HOXC6: variants seen among roughly 807,000 people sequenced by gnomAD.
The protein encoded by HOXC6 is homeobox C6.
A neutral mutation model predicts 24.0 loss-of-function variants in HOXC6; 10 were observed. The ratio of observed to expected loss-of-function variants is 0.42; its 90% CI spans 0.26 to 0.71. HOXC6 has a LOEUF of 0.71. Ranked by LOEUF, HOXC6 falls within the 30% of genes least tolerant of loss-of-function variation. The probability of loss-of-function intolerance (pLI) is 0.28; values close to 1 mark genes in which losing one functional copy is unlikely to be tolerated. For synonymous variants in HOXC6, 123 were observed against 128.1 expected, an observed-to-expected ratio of 0.96 and a Z score of 0.27; for missense variants, 258 against 303.4, an observed-to-expected ratio of 0.85 and a Z score of 1.11.
upstream of HOXC6, chr12:54,028,381 G>T: frequency 2.3e-6 from 2 of 874,634 alleles, no homozygotes; most frequent in Non-Finnish European, 3.4e-6. Context: ...GCTTGCGATT[G>T]GCTGGGAGGG....
chr12:54,023,470 T>C (rs1439464910), upstream of HOXC6, among the ~76,000 whole-genome samples: 1 of 152,176 alleles, frequency 6.6e-6, no homozygotes, highest in Non-Finnish European at 1.5e-5. Context: ...TATACCTTTC[T>C]TCTCCGTTTA....
At chr12:54,026,293 C>T (rs1346094450), upstream of HOXC6, among the ~76,000 whole-genome samples, 1 of 152,170 alleles carries the variant, frequency 6.6e-6, no homozygotes, top group Non-Finnish European at 1.5e-5. Context: ...GTCTCTCCCC[C>T]ACCTCTTGCC....
chr12:54,022,696 G>A (rs1940505149), intron 1 of HOXC6: 1 of 151,976 alleles, frequency 6.6e-6, no homozygotes, highest in East Asian at 1.9e-4. Flanking sequence ...GAGGGGGAAA[G>A]GAAAAAACAT....
Position 54,028,941 on chromosome 12 carries a change from G to A in HOXC6, c.400+20G>A. 1.3e-6 allele frequency: 2 copies of A among 1,585,840 alleles called. No individual in the cohort carries two copies. Among genetic ancestry groups the A allele is most frequent in the Non-Finnish European group, 1.7e-6 (2 of 1,171,128 alleles). ...ACAGTGGTGAGTTTTACAGCTCCGA[G>A]ATATAAATTAAATAAACTGAACTGG... On this transcript the variant is annotated intron_variant, in intron 1 of 1. Coordinates refer to ENST00000243108, the MANE Select transcript of HOXC6 (RefSeq NM_004503.4).
intron 1 of HOXC6, among the ~76,000 whole-genome samples, chr12:54,019,511 T>C (rs1217950095): frequency 6.6e-6 from 1 of 152,176 alleles, no homozygotes; most frequent in African/African-American, 2.4e-5. Context: ...GTGAGGCCTC[T>C]ATTTCTCTCT....
chr12:54,029,660 G>C lies in HOXC6; in HGVS notation c.406G>C (p.Gly136Arg). 6.2e-7 allele frequency: 1 copy of C among 1,611,188 alleles called. No homozygotes were observed. The highest frequency in any genetic ancestry group is 8.5e-7 in the Non-Finnish European group (1 of 1,177,926). ...TTTTGTGCCCGGATCTTTAGGGGTC[G>C]GCTACGGAGCGGACCGGAGGCGCGG... ...MQRMNSHSGV[G>R]YGADRRRGRQ... Residue 136 changes from glycine to arginine, a missense_variant, in exon 2 of 2, where the codon GGC becomes CGC. By Grantham distance (125) the Gly-to-Arg change is moderately radical. Transcript: ENST00000243108.
At position 54,028,543 on chromosome 12, in the gene HOXC6, C is replaced by A. The variant is rs1368012211; in HGVS notation, c.22C>A (p.Pro8Thr). 1.5e-5 allele frequency: 25 copies of A among 1,613,948 alleles called. No homozygotes were observed. Among genetic ancestry groups the A allele is most frequent in the Non-Finnish European group, 1.9e-5 (23 of 1,180,010 alleles). MNSYFTNPSLSCHLAGGQ... is the reference protein window; with the variant it reads MNSYFTNTSLSCHLAGGQ... Reference sequence around the variant, plus strand: ...AGGGATGAATTCCTACTTCACTAACCCTTCCTTATCCTGCCACCTCGCCGG... The same window carrying A: ...AGGGATGAATTCCTACTTCACTAACACTTCCTTATCCTGCCACCTCGCCGG... The change falls in exon 1 of 2, where the codon CCT becomes ACT. Residue 8 changes from proline (P) to threonine (T), a missense_variant. Coordinates refer to ENST00000243108, the MANE Select transcript of HOXC6 (RefSeq NM_004503.4).
exon 1 of HOXC6, chr12:54,017,184 C>T (rs1946172519): frequency 6.6e-6 from 1 of 152,222 alleles, no homozygotes; most frequent in South Asian, 2.1e-4. Flanking sequence ...GATGCCTCCG[C>T]CCCTCCTCTC....
chr12:54,029,980 A>G lies in HOXC6; in HGVS notation c.*18A>G, dbSNP rs1257429842. 6.6e-7 allele frequency: 1 copy of G among 1,512,100 alleles called. No homozygotes were observed. The highest frequency in any genetic ancestry group is 2.3e-5 in the East Asian group (1 of 43,024). 93.7% of individuals were successfully genotyped at this position (1,512,100 alleles called of 1,614,324 possible). On this transcript the variant is annotated 3_prime_UTR_variant, in exon 2 of 2. Coordinates refer to ENST00000243108, the MANE Select transcript of HOXC6 (RefSeq NM_004503.4). Reference sequence around the variant, plus strand: ...AAGAGTGACCAGGACTGTCCCTGCCACCCCTCTCTCCCTTTCTCCCTCGCT... The same window carrying G: ...AAGAGTGACCAGGACTGTCCCTGCCGCCCCTCTCTCCCTTTCTCCCTCGCT...
At chr12:54,025,250 T>A (rs1031539569), upstream of HOXC6, among the ~76,000 whole-genome samples, 3 of 152,214 alleles carry the variant, frequency 2.0e-5, no homozygotes, top group African/African-American at 7.2e-5. Flanking sequence ...CTGATGAGTT[T>A]CCATAATTGT....
chr12:54,024,243 G>A (rs559113517), upstream of HOXC6, among the ~76,000 whole-genome samples: 15 of 152,264 alleles, frequency 9.9e-5, no homozygotes, highest in African/African-American at 3.6e-4. Context: ...ACTTGGGGGT[G>A]GTGGGGGCAG....
At chr12:54,022,995 T>G (rs1940517278) in intron 1 of HOXC6, among the ~76,000 whole-genome samples, 1 of 152,168 alleles carries the variant, frequency 6.6e-6, no homozygotes, top group Admixed American at 6.5e-5. Context: ...GAAAATATTC[T>G]GGATATTCTG....
intron 1 of HOXC6, among the ~76,000 whole-genome samples, chr12:54,018,685 A>G (rs1940281070): frequency 6.6e-6 from 1 of 152,160 alleles, no homozygotes; most frequent in African/African-American, 2.4e-5. Flanking sequence ...AGGCGGCCCC[A>G]TAAGTGTGAA....
rs145731630 is a variant in HOXC6 at position 54,028,695 on chromosome 12, G to A, written c.174G>A (p.Gln58=). 7,537 of 1,614,070 alleles carry A rather than the reference G, an allele frequency of 4.7e-3. 21 individuals are homozygous for A. Among genetic ancestry groups the A allele is most frequent in the Non-Finnish European group, 5.4e-3 (6,426 of 1,180,004 alleles). ...RIYSTPFYSP[Q]ENVVFSSSRG... Reference sequence around the variant, plus strand: ...ACTCGACTCCCTTTTATTCGCCACAGGAGAATGTCGTGTTCAGTTCCAGCC... The same window carrying A: ...ACTCGACTCCCTTTTATTCGCCACAAGAGAATGTCGTGTTCAGTTCCAGCC... Residue 58 remains glutamine, a synonymous_variant, in exon 1 of 2, where the codon CAG becomes CAA. Coordinates refer to ENST00000243108, the MANE Select transcript of HOXC6 (RefSeq NM_004503.4).
Position 54,030,149 on chromosome 12 carries a change from T to A in HOXC6, c.*187T>A. 1.8e-6 allele frequency: 1 copy of A among 564,652 alleles called. No individual in the cohort carries two copies. The highest frequency in any genetic ancestry group is 3.1e-6 in the Non-Finnish European group (1 of 325,324). The allele number at this position is 564,652 out of a possible 1,614,324, so 35.0% of individuals were successfully genotyped here. On this transcript the variant is annotated 3_prime_UTR_variant, in exon 2 of 2. Coordinates refer to ENST00000243108, the MANE Select transcript of HOXC6 (RefSeq NM_004503.4). ...CCCCTCCCTCACCGCACAACTCTCT[T>A]TCACCACGCGCCTCCTCCTCCTCGC...
upstream of HOXC6, among the ~76,000 whole-genome samples, chr12:54,024,655 GGTCCAGTCCCACCC>G (rs1940608246): frequency 6.6e-6 from 1 of 152,130 alleles, no homozygotes; most frequent in South Asian, 2.1e-4. Flanking sequence ...CTTCAGGCTG[GGTCCAGTCCCACCC>G]ACCCTTTCCC....
chr12:54,029,878 G>C lies in HOXC6; in HGVS notation c.624G>C (p.Gly208=), dbSNP rs1940915029. The change falls in exon 2 of 2, where the codon GGG becomes GGC. Residue 208 remains glycine (G), a synonymous_variant. Transcript: ENST00000243108. ...KESNLTSTLS[G]GGGGATADSL... ...CTAATCTCACATCCACTCTCTCGGG[G>C]GGCGGCGGAGGGGCCACCGCCGACA... The C allele has an allele frequency of 1.2e-6, 2 of 1,612,586 alleles. No homozygotes were observed. The highest frequency in any genetic ancestry group is 1.3e-5 in the African/African-American group (1 of 74,750).
Position 54,030,734 on chromosome 12 carries a change from A to C in HOXC6, c.*772A>C, listed in dbSNP as rs1316155298. ...AGTAGGAGAAAATAAATAAATAAAT[A>C]AATCCCTTCGTGTTACCCTCCTGTA... On this transcript the variant is annotated 3_prime_UTR_variant, in exon 2 of 2. Transcript: ENST00000243108. The C allele has an allele frequency of 1.3e-5, 2 of 152,668 alleles. No homozygotes were observed. The highest frequency in any genetic ancestry group is 4.8e-5 in the African/African-American group (2 of 41,474). The allele number at this position is 152,668 out of a possible 1,614,324, so 9.5% of individuals were successfully genotyped here. A position where few individuals can be genotyped will look rare whatever the true frequency, so the allele number is the denominator to read the frequency against.
intron 1 of HOXC6, chr12:54,017,533 GTAGT>G (rs1442184993): frequency 2.0e-5 from 3 of 152,002 alleles, no homozygotes; most frequent in East Asian, 1.9e-4. Flanking sequence ...GGGTGGGCGC[GTAGT>G]TAATTATGGG....
Sources: allele counts gnomAD v4.1 joint callset (sites outside exome capture counted in the v4.1 genomes callset), GRCh38; gene constraint gnomAD v4.1.1; transcripts MANE v1.5; gene names NCBI Gene and HGNC (gene_info 2026-07-23, HGNC 2026-07-21).